The following COLEC12 variants were observed in gnomAD, a reference collection of about 807,000 sequenced individuals.
The protein encoded by COLEC12 is collectin-12.
A neutral mutation model predicts 71.1 loss-of-function variants in COLEC12; 33 were observed. The observed-to-expected ratio is 0.46, with a 90% CI of 0.35 to 0.62. The LOEUF is 0.62. Among genes scored for constraint, COLEC12 ranks in the 20% least tolerant of loss-of-function variants. COLEC12 has a pLI of 0.00. For synonymous variants in COLEC12, 350 were observed against 353.0 expected (o/e 0.99, Z 0.10); for missense variants, 765 against 916.1 (o/e 0.84, Z 2.13).
rs1309639326 is a variant in COLEC12, at chr18:442,000, T to TACA, written c.58+38706_58+38707insTGT. Among the ~76,000 whole-genome samples the TACA allele has an allele frequency of 1.9e-3, 223 of 116,748 alleles. 1 individual carries two copies. Among genetic ancestry groups the TACA allele is most frequent in the East Asian group, 3.6e-3 (14 of 3,868 alleles). The allele number at this position is 116,748 out of a possible 152,430, so 76.6% of individuals were successfully genotyped here. A position where few individuals can be genotyped will look rare whatever the true frequency, so the allele number is the denominator to read the frequency against. ...GGGTGACAGAGTGAGACTCTCTCTC[T>TACA]CTACACACACACACACACACACACA... On this transcript the variant is annotated intron_variant, in intron 2 of 9. Transcript: ENST00000400256.
chr18:447,702 G>C (rs752105067), intron 2 of COLEC12, among the ~76,000 whole-genome samples: 1 of 152,138 alleles, frequency 6.6e-6, no homozygotes, highest in African/African-American at 2.4e-5. Context: ...CAACATTACA[G>C]GGAGACACAG....
chr18:424,602 T>G (rs1345587897), intron 2 of COLEC12, among the ~76,000 whole-genome samples: 4 of 152,222 alleles, frequency 2.6e-5, no homozygotes, highest in Non-Finnish European at 5.9e-5. Flanking sequence ...CTTTACTATT[T>G]TCTGGTGAAT....
intron 2 of COLEC12, among the ~76,000 whole-genome samples, chr18:474,151 C>T (rs1356485207): frequency 6.6e-6 from 1 of 152,206 alleles, no homozygotes; most frequent in African/African-American, 2.4e-5. Context: ...TGTCTGTGAG[C>T]TTCCCAGTCA....
chr18:452,068 A>C (rs1178810762), intron 2 of COLEC12, among the ~76,000 whole-genome samples: 3 of 152,236 alleles, frequency 2.0e-5, no homozygotes, highest in African/African-American at 7.2e-5. Flanking sequence ...CTCGAGAAAA[A>C]GAATAGCGTC....
intron 8 of COLEC12, among the ~76,000 whole-genome samples, chr18:325,854 G>A (rs1913830874): frequency 6.6e-6 from 1 of 151,846 alleles, no homozygotes; most frequent in Admixed American, 6.6e-5. Context: ...TGTAGAGATG[G>A]GGTCTTGCTA....
At chr18:374,241 T>C (rs988893867) in intron 2 of COLEC12, among the ~76,000 whole-genome samples, 3 of 152,208 alleles carry the variant, frequency 2.0e-5, no homozygotes, top group African/African-American at 7.2e-5. Flanking sequence ...TAAGAGACCA[T>C]AATTTATCTT....
intron 2 of COLEC12, among the ~76,000 whole-genome samples, chr18:368,743 G>A (rs896035217): frequency 5.3e-5 from 8 of 152,124 alleles, no homozygotes; most frequent in African/African-American, 7.2e-5. Flanking sequence ...GCGGGCGCCT[G>A]TAGTCCCAGC....
chr18:496,841 T>C (rs1225473412), intron 1 of COLEC12, among the ~76,000 whole-genome samples: 1 of 152,230 alleles, frequency 6.6e-6, no homozygotes, highest in Non-Finnish European at 1.5e-5. Context: ...CAACAAGTGC[T>C]GCTGCACTGA....
In COLEC12 at chr18:408,684, C is replaced by T. The variant is rs1915834741; in HGVS notation, c.59-51162G>A. Among the ~76,000 whole-genome samples the T allele has an allele frequency of 6.6e-6, 1 of 151,740 alleles. No homozygotes were observed. Among genetic ancestry groups the T allele is most frequent in the Admixed American group, 6.6e-5 (1 of 15,252 alleles). On this transcript the variant is annotated intron_variant, in intron 2 of 9. Transcript: ENST00000400256. The surrounding 1 kb of genome is among the most constrained non-coding windows in gnomAD (Gnocchi z 4.3). The stretch of plus-strand genomic sequence containing the variant: ...AAGGTTATTTCTTTAAGTCAAATTT[C>T]AGACAGAGGAAGTAGGTCTAAATTC...
chr18:493,725 A>G (rs141537877), intron 1 of COLEC12, among the ~76,000 whole-genome samples: 1 of 152,390 alleles, frequency 6.6e-6, no homozygotes, highest in African/African-American at 2.4e-5. Flanking sequence ...GCTAGTTAGA[A>G]CTTGGTGGCC....
intron 2 of COLEC12, among the ~76,000 whole-genome samples, chr18:390,704 G>A (rs937780957): frequency 6.6e-6 from 1 of 152,096 alleles, no homozygotes; most frequent in Admixed American, 6.6e-5. Flanking sequence ...AGGTTGCAGT[G>A]AGCCGAGATT....
rs538472452 is a variant in COLEC12, at chr18:334,667, C to T, written c.1816+75G>A. ...AACAAAAATAACATGGGTGGGGCCACACACTGGGGGTTGGCTCAGTCTCAA... is the reference window on the plus strand; with the variant it reads ...AACAAAAATAACATGGGTGGGGCCATACACTGGGGGTTGGCTCAGTCTCAA... On this transcript the variant is annotated intron_variant, in intron 6 of 9. Coordinates refer to ENST00000400256, the MANE Select transcript of COLEC12 (RefSeq NM_130386.3). 1.7e-5 allele frequency: 22 copies of T among 1,299,504 alleles called. No individual in the cohort carries two copies. In the African/African-American group the frequency reaches 3.2e-4, roughly 19 times the overall value. The allele number at this position is 1,299,504 out of a possible 1,614,324, so 80.5% of individuals were successfully genotyped here.
chr18:351,831 C>T (rs1052572007), intron 3 of COLEC12, among the ~76,000 whole-genome samples: 8 of 152,202 alleles, frequency 5.3e-5, no homozygotes, highest in Admixed American at 5.2e-4. Flanking sequence ...GTGTGCTGCA[C>T]CCATTAACTC....
At chr18:380,507 C>G (rs1400814925) in intron 2 of COLEC12, among the ~76,000 whole-genome samples, 1 of 151,798 alleles carries the variant, frequency 6.6e-6, no homozygotes, top group African/African-American at 2.4e-5. Flanking sequence ...TCAACGGTGC[C>G]TAACACAGGA....
chr18:331,607 A>G, intron 8 of COLEC12, 61 bp downstream of exon 8: 1 of 1,096,736 alleles, frequency 9.1e-7, no homozygotes, highest in Middle Eastern at 2.3e-4. Flanking sequence ...GGAGTCGGGC[A>G]AGAAGTGACA....
intron 2 of COLEC12, among the ~76,000 whole-genome samples, chr18:379,269 C>T (rs556636116): frequency 8.3e-4 from 127 of 152,114 alleles, no homozygotes; most frequent in Middle Eastern, 6.8e-3. Flanking sequence ...ACCACAGGCA[C>T]ATGCCACCAT....
chr18:373,036 A>G (rs75663680), intron 2 of COLEC12, among the ~76,000 whole-genome samples: 4,558 of 152,302 alleles, frequency 0.03, 121 homozygotes, highest in East Asian at 0.13. Context: ...GCTGCCTGTG[A>G]CCAGGACAAA....
intron 1 of COLEC12, among the ~76,000 whole-genome samples, chr18:497,869 C>G (rs1160274900): frequency 6.6e-6 from 1 of 152,246 alleles, no homozygotes; most frequent in African/African-American, 2.4e-5. Flanking sequence ...AACAATTCCA[C>G]TTGGTAAAAG....
At chr18:351,049 C>T (rs1285458486) in intron 3 of COLEC12, among the ~76,000 whole-genome samples, 2 of 151,740 alleles carry the variant, frequency 1.3e-5, no homozygotes, top group African/African-American at 4.8e-5. Flanking sequence ...GTATTCATCA[C>T]ATGTTCTACC....
Sources: gnomAD v4.1 joint callset for allele counts (sites outside exome capture counted in the v4.1 genomes callset) on GRCh38, gnomAD v4.1.1 for gene constraint, Gnocchi (gnomAD v3.1) non-coding constraint, MANE v1.5 for transcripts, NCBI Gene and HGNC (gene_info 2026-07-23, HGNC 2026-07-21) for gene names.